Variants in TMEM132C observed in about 807,000 individuals in gnomAD.
The protein encoded by TMEM132C is transmembrane protein 132C, also known as protein phosphatase 1, regulatory subunit 152.
Under a neutral mutation model 61.4 loss-of-function variants are expected in TMEM132C, and 29 were observed. The observed-to-expected ratio is 0.47, with a 90% confidence interval of 0.35 to 0.64. The LOEUF (loss-of-function observed/expected upper bound fraction) is 0.64, where lower values mean the gene tolerates loss of function less well. TMEM132C is among the 30% of genes least tolerant of loss of function. The pLI is 0.00. For synonymous variants in TMEM132C, 656 were observed against 633.1 expected, an observed-to-expected ratio of 1.04 and a Z score of -0.54; for missense variants, 1,408 against 1,476.9, an observed-to-expected ratio of 0.95 and a Z score of 0.76.
intron 2 of TMEM132C, among the ~76,000 whole-genome samples, chr12:128,516,411 C>T (rs1016252051): frequency 2.0e-5 from 3 of 152,034 alleles, no homozygotes; most frequent in South Asian, 2.1e-4. Flanking sequence ...CGTTCCATAG[C>T]GGGCAACTTA....
chr12:128,428,489 A>T (rs1173914907), intron 2 of TMEM132C, among the ~76,000 whole-genome samples: 6 of 152,166 alleles, frequency 3.9e-5, no homozygotes, highest in African/African-American at 1.4e-4. Context: ...GCTTGGTATG[A>T]GTCATACACC....
chr12:128,686,572 A>G (rs1954678678), intron 5 of TMEM132C, among the ~76,000 whole-genome samples: 1 of 152,088 alleles, frequency 6.6e-6, no homozygotes, highest in East Asian at 1.9e-4. Context: ...CAGCCTGGAC[A>G]ACAGAGCAAG....
chr12:128,487,588 AGT>A (rs1002272811), intron 2 of TMEM132C, among the ~76,000 whole-genome samples: 3 of 118,626 alleles, frequency 2.5e-5, no homozygotes, highest in African/African-American at 9.8e-5. Context: ...GGTGTGTATG[AGT>A]GTGTGTGTGT....
rs537365570 is a variant in TMEM132C at position 128,415,196 on chromosome 12, A to G, written c.550A>G (p.Ser184Gly). 6.2e-7 allele frequency: 1 copy of G among 1,610,968 alleles called. No individual in the cohort carries two copies. Among genetic ancestry groups the G allele is most frequent in the South Asian group, 1.1e-5 (1 of 90,500 alleles). ...AFRETREVRG[S>G]CRLKGDLGLC... ...CCGAGAAACCAGAGAGGTGCGGGGC[A>G]GCTGCCGGCTGAAGGGGGACCTGGG... is the stretch of plus-strand genomic sequence containing the variant. The change falls in exon 2 of 9, where the codon AGC becomes GGC. Residue 184 changes from serine (S) to glycine (G), a missense_variant. Ser to Gly is a moderately conservative substitution (Grantham distance 56, BLOSUM62 0). Coordinates refer to ENST00000435159, the MANE Select transcript of TMEM132C (RefSeq NM_001136103.3). This position sits in a 1 kb window ranked among gnomAD's most constrained non-coding sequence, Gnocchi z 5.8.
intron 3 of TMEM132C, among the ~76,000 whole-genome samples, chr12:128,564,904 T>A (rs1191488755): frequency 6.6e-6 from 1 of 152,160 alleles, no homozygotes; most frequent in African/African-American, 2.4e-5. Flanking sequence ...CTTTAAACAA[T>A]CCTGTCCTCT....
Position 128,497,960 on chromosome 12 carries a change from TC to T in TMEM132C, c.975-45996del, listed in dbSNP as rs544543005. Among the ~76,000 whole-genome samples, 239 of 152,268 alleles carry T rather than the reference TC, an allele frequency of 1.6e-3. 1 individual carries two copies. Among genetic ancestry groups the T allele is most frequent in the African/African-American group, 5.2e-3 (215 of 41,546 alleles). ...GACTGAAGCTGTTCCTATTCGGCCA[TC>T]TTGGAACCACCCCCAGTCTGTACCA... On this transcript the variant is annotated intron_variant, in intron 2 of 8. Transcript: ENST00000435159.
chr12:128,314,259 A>G (rs771179487), intron 1 of TMEM132C, among the ~76,000 whole-genome samples: 2 of 152,214 alleles, frequency 1.3e-5, no homozygotes, highest in Non-Finnish European at 2.9e-5. Flanking sequence ...TCTTTATTGC[A>G]GATCGGGGTA....
chr12:128,546,929 C>G (rs761230007), intron 3 of TMEM132C, among the ~76,000 whole-genome samples: 1 of 152,216 alleles, frequency 6.6e-6, no homozygotes, highest in African/African-American at 2.4e-5. Context: ...AGCATGGCCT[C>G]TGTCATGTCC....
At chr12:128,395,832 G>GTAA (rs33925180) in intron 1 of TMEM132C, among the ~76,000 whole-genome samples, 3 of 54,048 alleles carry the variant, frequency 5.6e-5, no homozygotes, top group African/African-American at 3.8e-4. Context: ...AGACCTCCTT[G>GTAA]TGGTGCAATT....
rs563406952 is a variant in TMEM132C, at chr12:128,646,568, G to A, written c.1306-22849G>A. 1.6e-3 allele frequency among the ~76,000 whole-genome samples: 249 copies of A among 152,136 alleles called. 1 individual carries two copies. The highest frequency in any genetic ancestry group is 5.6e-3 in the African/African-American group (233 of 41,450). On this transcript the variant is annotated intron_variant, in intron 4 of 8. Coordinates refer to ENST00000435159, the MANE Select transcript of TMEM132C (RefSeq NM_001136103.3). ...GAGTCCATCAGCATTGGATATGAGTGTGTTTACTGGAGTCCATCAGCGTTG... is the reference window on the plus strand; with the variant it reads ...GAGTCCATCAGCATTGGATATGAGTATGTTTACTGGAGTCCATCAGCGTTG...
At chr12:128,387,828 G>A (rs1355363620) in intron 1 of TMEM132C, among the ~76,000 whole-genome samples, 1 of 152,240 alleles carries the variant, frequency 6.6e-6, no homozygotes, top group Non-Finnish European at 1.5e-5. Flanking sequence ...CAAAAATCAC[G>A]GAGGCAATTT....
chr12:128,454,654 G>A (rs1405041759), intron 2 of TMEM132C, among the ~76,000 whole-genome samples: 5 of 152,196 alleles, frequency 3.3e-5, no homozygotes, highest in African/African-American at 9.6e-5. Flanking sequence ...AGGATGGAGC[G>A]CTTATATGGC....
intron 2 of TMEM132C, among the ~76,000 whole-genome samples, chr12:128,430,051 G>A (rs1345160697): frequency 1.3e-5 from 2 of 152,152 alleles, no homozygotes; most frequent in African/African-American, 2.4e-5. Context: ...GGTGCTGGGG[G>A]CAGCTCGGCC....
chr12:128,630,684 T>C lies in TMEM132C; in HGVS notation c.1305+14349T>C, dbSNP rs1954058614. ...CACTCCCTAGTCCTCACCTTCCAGATCACTGCTCAATATCTAGTCGATGGC... is the reference window on the plus strand; with the variant it reads ...CACTCCCTAGTCCTCACCTTCCAGACCACTGCTCAATATCTAGTCGATGGC... On this transcript the variant is annotated intron_variant, in intron 4 of 8. Coordinates refer to ENST00000435159, the MANE Select transcript of TMEM132C (RefSeq NM_001136103.3). The surrounding 1 kb of genome is among the most constrained non-coding windows in gnomAD (Gnocchi z 4.3). 6.6e-6 allele frequency among the ~76,000 whole-genome samples: 1 copy of C among 152,178 alleles called. No homozygotes were observed. Among genetic ancestry groups the C allele is most frequent in the South Asian group, 2.1e-4 (1 of 4,828 alleles).
chr12:128,369,759 A>G (rs545050933), intron 1 of TMEM132C, among the ~76,000 whole-genome samples: 1 of 152,360 alleles, frequency 6.6e-6, no homozygotes, highest in African/African-American at 2.4e-5. Context: ...TAAGGCTGCC[A>G]CTGACAACGC....
intron 1 of TMEM132C, among the ~76,000 whole-genome samples, chr12:128,292,392 T>G (rs1871271378): frequency 6.6e-6 from 1 of 152,140 alleles, no homozygotes; most frequent in African/African-American, 2.4e-5. Context: ...CTGCCCAACT[T>G]CCTCACCCAG....
chr12:128,391,667 A>G (rs759059698), intron 1 of TMEM132C, among the ~76,000 whole-genome samples: 2 of 152,190 alleles, frequency 1.3e-5, no homozygotes, highest in African/African-American at 4.8e-5. Flanking sequence ...TATTGTTAGT[A>G]TCATTGTCCC....
chr12:128,374,104 T>C (rs1205335137), intron 1 of TMEM132C, among the ~76,000 whole-genome samples: 1 of 152,032 alleles, frequency 6.6e-6, no homozygotes, highest in African/African-American at 2.4e-5. Flanking sequence ...GAAATGCAGG[T>C]GGGGCACTGT....
intron 4 of TMEM132C, among the ~76,000 whole-genome samples, chr12:128,656,464 C>G (rs930389772): frequency 6.6e-6 from 1 of 152,204 alleles, no homozygotes; most frequent in Admixed American, 6.5e-5. Flanking sequence ...GAAAGAAATG[C>G]CCCACTTACT....
Sources: allele counts gnomAD v4.1 joint callset (sites outside exome capture counted in the v4.1 genomes callset), GRCh38; gene constraint gnomAD v4.1.1; non-coding constraint Gnocchi (gnomAD v3.1); transcripts MANE v1.5; gene names NCBI Gene and HGNC (gene_info 2026-07-23, HGNC 2026-07-21).